Variants in LAMA1 observed in about 807,000 individuals in gnomAD.
LAMA1 encodes the protein laminin subunit alpha-1.
LAMA1 carries 219 observed loss-of-function variants against 348.7 expected under a neutral mutation model. The observed-to-expected ratio is 0.63, with a 90% CI of 0.56 to 0.70. LAMA1 has a LOEUF of 0.70. Among genes scored for constraint, LAMA1 ranks in the 30% least tolerant of loss-of-function variants. The probability of loss-of-function intolerance (pLI) is 0.00; values close to 1 mark genes in which losing one functional copy is unlikely to be tolerated. For synonymous variants in LAMA1, 1,487 were observed against 1,491.0 expected (o/e 1.00, Z 0.06); for missense variants, 3,744 against 3,888.0 (o/e 0.96, Z 0.99).
In LAMA1 at chr18:6,956,751, T is replaced by C. The variant is rs149000406; in HGVS notation, c.7979A>G (p.Asn2660Ser). The part of the protein sequence containing the change: ...LIFNLELLDF[N>S]SAVGHEQVDL... The stretch of plus-strand genomic sequence containing the variant: ...GACTTGCTCATGGCCAACTGCACTG[T>C]TGAAATCCAAAAGTCTAGGTAGAAA... The change falls in exon 56 of 63, where the codon AAC becomes AGC. Residue 2660 changes from asparagine to serine, a missense_variant. Asn to Ser is a conservative substitution (Grantham distance 46, BLOSUM62 1). Transcript: ENST00000389658. The C allele has an allele frequency of 3.0e-5, 48 of 1,614,198 alleles. No individual in the cohort carries two copies. The African/African-American group carries it at 5.3e-4, about 18-fold the overall frequency.
intron 16 of LAMA1, among the ~76,000 whole-genome samples, chr18:7,029,146 A>G (rs578112312): frequency 5.9e-5 from 9 of 152,292 alleles, no homozygotes; most frequent in African/African-American, 2.2e-4. Flanking sequence ...CCTAGACCAG[A>G]GCATCTAAAC....
intron 60 of LAMA1, 60 bp from the exon 61 acceptor site, chr18:6,947,356 T>C: frequency 6.2e-7 from 1 of 1,609,574 alleles, no homozygotes; most frequent in Non-Finnish European, 8.5e-7. Context: ...GGTTGAGCAT[T>C]TGGCCTCCTG....
In LAMA1 at chr18:6,958,635, G is replaced by C; in HGVS notation, c.7806C>G (p.Asn2602Lys). ...RRIITVQLDE[N>K]NPVEMKLGTL... ...TGCCCAACTTCATTTCCACAGGATT[G>C]TTCTCATCCAATTGGACAGTGATAA... The change falls in exon 55 of 63, where the codon AAC becomes AAG. Residue 2602 changes from asparagine (N) to lysine (K), a missense_variant. Physicochemically the swap from Asn to Lys is moderately conservative, Grantham distance 94. This residue lies in a region of LAMA1 where 1,983 missense variants were observed against 1,934.3 expected (regional missense o/e 1.03). Transcript: ENST00000389658. 1 of 1,614,052 alleles carries C rather than the reference G, an allele frequency of 6.2e-7. No individual in the cohort carries two copies. The highest frequency in any genetic ancestry group is 8.5e-7 in the Non-Finnish European group (1 of 1,179,924).
rs2057728384 is a variant in LAMA1 at position 6,985,148 on chromosome 18, G to A, written c.5660+89C>T. On this transcript the variant is annotated intron_variant, in intron 39 of 62. Coordinates refer to ENST00000389658, the MANE Select transcript of LAMA1 (RefSeq NM_005559.4). ...GTGCTCATTTTTACACAAAGGAAGAGTGACCCATCACTGTGAATAGAAACA... is the reference window on the plus strand; with the variant it reads ...GTGCTCATTTTTACACAAAGGAAGAATGACCCATCACTGTGAATAGAAACA... 5.4e-6 allele frequency: 8 copies of A among 1,470,240 alleles called. No homozygotes were observed. The South Asian group carries it at 8.0e-5, about 15-fold the overall frequency. The allele number at this position is 1,470,240 out of a possible 1,614,324, so 91.1% of individuals were successfully genotyped here.
At chr18:7,025,948 G>T (rs758732966) in intron 17 of LAMA1, 31 bp downstream of exon 17, 11 of 1,592,370 alleles carry the variant, frequency 6.9e-6, no homozygotes, top group Admixed American at 3.5e-5. Context: ...GGCCATGCTG[G>T]CAGGAACCGC....
chr18:6,945,294 G>A lies in LAMA1; in HGVS notation c.8844+1869C>T, dbSNP rs1434198475. Among the ~76,000 whole-genome samples, 5 of 152,204 alleles carry A rather than the reference G, an allele frequency of 3.3e-5. 1 individual carries two copies. In the Middle Eastern group the frequency reaches 0.017, roughly 518 times the overall value. Reference sequence around the variant, plus strand: ...AAAGTTGGCTGTAAGTCAGTGTAGAGAGGCAGCAATATGACATCAAGTTAG... The same window carrying A: ...AAAGTTGGCTGTAAGTCAGTGTAGAAAGGCAGCAATATGACATCAAGTTAG... On this transcript the variant is annotated intron_variant, in intron 61 of 62. Transcript: ENST00000389658.
chr18:6,980,442 G>C (rs1009605375), intron 42 of LAMA1, 79 bp downstream of exon 42: 20 of 993,344 alleles, frequency 2.0e-5, no homozygotes, highest in Non-Finnish European at 2.6e-5. Flanking sequence ...CAGTCTTGAG[G>C]CAGGACTTCC....
At chr18:7,009,127 G>T in intron 27 of LAMA1, 112 bp downstream of exon 27, 1 of 1,208,150 alleles carries the variant, frequency 8.3e-7, no homozygotes, top group Non-Finnish European at 1.2e-6. Context: ...GTAAGGAACT[G>T]AACTACATGG....
intron 3 of LAMA1, among the ~76,000 whole-genome samples, chr18:7,057,073 T>C (rs1437137481): frequency 2.0e-5 from 3 of 152,060 alleles, no homozygotes; most frequent in East Asian, 3.9e-4. Flanking sequence ...GGTTTTACCA[T>C]ATTGGCCAGG....
chr18:7,006,272 G>C lies in LAMA1; in HGVS notation c.4260+867C>G, dbSNP rs574144519. ...GTTTACAGTGGTCAGAGCTCTCCAT[G>C]TGTCCCCGAGACCAATCTTGGCCTA... On this transcript the variant is annotated intron_variant, in intron 29 of 62. Coordinates refer to ENST00000389658, the MANE Select transcript of LAMA1 (RefSeq NM_005559.4). 9.7e-4 allele frequency among the ~76,000 whole-genome samples: 148 copies of C among 152,280 alleles called. 1 individual carries two copies. The highest frequency in any genetic ancestry group is 3.5e-3 in the African/African-American group (146 of 41,556).
rs771579539 is a variant in LAMA1 at position 6,982,581 on chromosome 18, A to T, written c.5806T>A (p.Ser1936Thr). The change falls in exon 41 of 63, where the codon TCC becomes ACC. Residue 1936 changes from serine (S) to threonine (T), a missense_variant. Ser to Thr is a moderately conservative substitution (Grantham distance 58). Transcript: ENST00000389658. ...GCCGCTTTCCCGTTAGAAACAAGGG[A>T]TTCTGAGAGCTGGAAAACAGAACCA... ...TVTETSLLSE[S>T]LVSNGKAAVQ... 22 of 1,614,134 alleles carry T rather than the reference A, an allele frequency of 1.4e-5. No homozygotes were observed. The highest frequency in any genetic ancestry group is 1.7e-5 in the Non-Finnish European group (20 of 1,179,980).
intron 19 of LAMA1, 87 bp downstream of exon 19, chr18:7,023,077 G>A (rs1335521707): frequency 8.5e-6 from 12 of 1,405,100 alleles, no homozygotes; most frequent in South Asian, 3.8e-5. Context: ...CCTCCTAGGC[G>A]GGGCCCTGTG....
chr18:7,080,530 G>A (rs2058189177), intron 1 of LAMA1, 73 bp from the exon 2 acceptor site: 1 of 1,485,116 alleles, frequency 6.7e-7, no homozygotes, highest in South Asian at 1.2e-5. Context: ...ATCCCACTTG[G>A]TAGGTGAATC....
Position 7,010,356 on chromosome 18 carries a change from G to C in LAMA1, c.3717C>G (p.Tyr1239Ter), listed in dbSNP as rs960248277. 1 of 1,613,994 alleles carries C rather than the reference G, an allele frequency of 6.2e-7. No individual in the cohort carries two copies. Among genetic ancestry groups the C allele is most frequent in the Non-Finnish European group, 8.5e-7 (1 of 1,180,038 alleles). Residue 1239 changes from tyrosine (Y) to a stop codon, truncating the protein, a stop_gained, in exon 26 of 63, where the codon TAC (tyrosine) becomes TAG (stop). Coordinates refer to ENST00000389658, the MANE Select transcript of LAMA1 (RefSeq NM_005559.4). LOFTEE classifies it high-confidence loss of function. ...CATCCAAAGAATAGAAGGCCACGCT[G>C]TACTTCAGTTTGCCACCATAGGCCA... The part of the protein sequence containing the change: ...QLMAYGGKLK[Y>*]SVAFYSLDGV...
At chr18:7,051,892 C>A (rs1206053124) in intron 3 of LAMA1, among the ~76,000 whole-genome samples, 1 of 152,148 alleles carries the variant, frequency 6.6e-6, no homozygotes, top group Non-Finnish European at 1.5e-5. Flanking sequence ...TAAACATGCT[C>A]ACCATTCTCA....
intron 16 of LAMA1, among the ~76,000 whole-genome samples, chr18:7,028,577 C>G (rs2144153025): frequency 6.6e-6 from 1 of 152,330 alleles, no homozygotes; most frequent in Non-Finnish European, 1.5e-5. Flanking sequence ...AATCTGTCAA[C>G]CAGCAGATCT....
rs375475699 is a variant in LAMA1, at chr18:7,092,502, G to A, written c.62-12045C>T. Among the ~76,000 whole-genome samples, 5 of 151,966 alleles carry A rather than the reference G, an allele frequency of 3.3e-5. No homozygotes were observed. The South Asian group carries it at 6.2e-4, about 19-fold the overall frequency. On this transcript the variant is annotated intron_variant, in intron 1 of 62. Transcript: ENST00000389658. ...TTAGCCGGGCGTGGTGGCACGCACTGTAGTCGCCGCTACTCGGGAGGCTGA... is the reference window on the plus strand; with the variant it reads ...TTAGCCGGGCGTGGTGGCACGCACTATAGTCGCCGCTACTCGGGAGGCTGA...
chr18:6,983,268 A>T (rs1452708794), intron 39 of LAMA1, 34 bp from the exon 40 acceptor site: 10 of 1,612,588 alleles, frequency 6.2e-6, no homozygotes, highest in Non-Finnish European at 8.5e-6. Flanking sequence ...ACGTTATGAT[A>T]AACTAAATCA....
At chr18:7,052,907 C>T (rs1349643898) in intron 3 of LAMA1, among the ~76,000 whole-genome samples, 2 of 151,932 alleles carry the variant, frequency 1.3e-5, no homozygotes, top group African/African-American at 4.8e-5. Flanking sequence ...TGTAGTCCGA[C>T]TACTCGGGAG....
Sources: gnomAD v4.1 joint callset for allele counts (sites outside exome capture counted in the v4.1 genomes callset) on GRCh38, gnomAD v4.1.1 for gene constraint, gnomAD v4.1.1 regional missense constraint, MANE v1.5 for transcripts, NCBI Gene and HGNC (gene_info 2026-07-23, HGNC 2026-07-21) for gene names.